Variants in CAST observed in about 807,000 individuals in gnomAD.
CAST encodes the protein MIR583 host.
A neutral mutation model predicts 119.6 loss-of-function variants in CAST; 76 were observed. The observed-to-expected ratio is 0.64, with a 90% CI of 0.53 to 0.77. CAST has a LOEUF of 0.77. Among genes scored for constraint, CAST ranks in the 30% least tolerant of loss-of-function variants. CAST has a pLI of 0.00. For missense variants in CAST, 953 were observed against 946.5 expected, an observed-to-expected ratio of 1.01 and a Z score of -0.09; for synonymous variants, 319 against 331.6, an observed-to-expected ratio of 0.96 and a Z score of 0.41.
At chr5:96,233,254 A>G in the CAST span, among the ~76,000 whole-genome samples, 6 of 152,092 alleles carry the variant, frequency 3.9e-5, no homozygotes, top group African/African-American at 1.4e-4. Context: ...AAATTATGCA[A>G]ACTTTCGTGG....
chr5:96,196,640 C>T, the CAST span, among the ~76,000 whole-genome samples: 3 of 152,192 alleles, frequency 2.0e-5, no homozygotes, highest in South Asian at 6.2e-4. Context: ...AGGCAGGAAC[C>T]AGCTGGGGAA....
intron 1 of CAST, among the ~76,000 whole-genome samples, chr5:96,550,611 C>A (rs576912491): frequency 6.6e-6 from 1 of 152,254 alleles, no homozygotes; most frequent in East Asian, 1.9e-4. Context: ...TAATAATAAA[C>A]TTCTCTGAGC....
chr5:96,171,853 C>T, the CAST span, among the ~76,000 whole-genome samples: 2 of 152,188 alleles, frequency 1.3e-5, no homozygotes, highest in East Asian at 1.9e-4. Flanking sequence ...GACCAGAGGT[C>T]GTAAGTAGAT....
At chr5:96,387,985 T>C in the CAST span, among the ~76,000 whole-genome samples, 10 of 152,166 alleles carry the variant, frequency 6.6e-5, no homozygotes, top group African/African-American at 1.4e-4. Flanking sequence ...CCTTTCAAGA[T>C]TGGGGGTCCC....
At chr5:96,740,398 G>A (rs1269705365) in intron 12 of CAST, among the ~76,000 whole-genome samples, 3 of 152,100 alleles carry the variant, frequency 2.0e-5, no homozygotes, top group Non-Finnish European at 4.4e-5. Flanking sequence ...GTGAGGGAAA[G>A]GTATCTTTGA....
At chr5:96,210,797 C>A in the CAST span, among the ~76,000 whole-genome samples, 1 of 151,962 alleles carries the variant, frequency 6.6e-6, no homozygotes, top group African/African-American at 2.4e-5. Flanking sequence ...TATGTTGAGT[C>A]TACCAGTCAT....
chr5:96,118,665 A>C, the CAST span, among the ~76,000 whole-genome samples: 98,405 of 148,236 alleles, frequency 0.66, 32,984 homozygotes, highest in African/African-American at 0.75. Context: ...GTGTTCGTGG[A>C]CTGGTGTTCA....
the CAST span, among the ~76,000 whole-genome samples, chr5:96,348,495 A>G: frequency 6.6e-6 from 1 of 152,100 alleles, no homozygotes; most frequent in African/African-American, 2.4e-5. Context: ...ATTGCTTTTG[A>G]TGGTAAGGGA....
intron 1 of CAST, among the ~76,000 whole-genome samples, chr5:96,652,040 A>T (rs1748100983): frequency 6.6e-6 from 1 of 152,330 alleles, no homozygotes; most frequent in South Asian, 2.1e-4. Context: ...GAGCTTCGGT[A>T]AACTTCCTAA....
At chr5:96,670,102 T>C (rs1349826895) in intron 1 of CAST, among the ~76,000 whole-genome samples, 1 of 152,150 alleles carries the variant, frequency 6.6e-6, no homozygotes, top group Non-Finnish European at 1.5e-5. Flanking sequence ...CTGAGTTCCA[T>C]GAGCTCGGAG....
At chr5:96,308,061 C>A in the CAST span, among the ~76,000 whole-genome samples, 7 of 152,250 alleles carry the variant, frequency 4.6e-5, no homozygotes, top group East Asian at 1.4e-3. Flanking sequence ...CAACTTGGTT[C>A]CATTCTCCCT....
At chr5:96,032,709 A>G in the CAST span, among the ~76,000 whole-genome samples, 1 of 152,162 alleles carries the variant, frequency 6.6e-6, no homozygotes, top group Non-Finnish European at 1.5e-5. Context: ...TGTGCCAGAC[A>G]AATATTCATA....
the CAST span, among the ~76,000 whole-genome samples, chr5:96,400,858 C>T: frequency 8.3e-6 from 1 of 119,842 alleles, no homozygotes; most frequent in African/African-American, 3.6e-5. Context: ...GAGGCCGAGG[C>T]GGGCGGATCA....
the CAST span, among the ~76,000 whole-genome samples, chr5:95,976,949 T>A: frequency 1.3e-5 from 2 of 152,218 alleles, no homozygotes; most frequent in African/African-American, 4.8e-5. Flanking sequence ...AATGTATGAC[T>A]TTGGGCAAGT....
intron 3 of CAST, among the ~76,000 whole-genome samples, chr5:96,708,051 T>A (rs1348236901): frequency 6.6e-6 from 1 of 152,226 alleles, no homozygotes; most frequent in Non-Finnish European, 1.5e-5. Context: ...TGTGTTTATA[T>A]CCGATAGGGA....
Position 96,544,893 on chromosome 5 carries a change from C to A in CAST, c.60+15013C>A, listed in dbSNP as rs140414480. On this transcript the variant is annotated intron_variant, in intron 1 of 11. Coordinates refer to the CAST transcript ENST00000505143. ...CTTTAAATATAAAAACCCAGATAGA[C>A]TAAAAGTAAAGTTATGAAGAGAGAT... 1.9e-4 allele frequency among the ~76,000 whole-genome samples: 28 copies of A among 150,234 alleles called. 1 individual carries two copies. The South Asian group carries it at 4.6e-3, about 25-fold the overall frequency.
At chr5:96,222,441 T>A in the CAST span, among the ~76,000 whole-genome samples, 1 of 151,844 alleles carries the variant, frequency 6.6e-6, no homozygotes, top group South Asian at 2.1e-4. Context: ...CCATTAAAAA[T>A]TGGGCAAAGA....
the CAST span, chr5:95,986,365 A>G: frequency 6.6e-6 from 1 of 152,182 alleles, no homozygotes; most frequent in South Asian, 2.1e-4. Flanking sequence ...CTAAAACACA[A>G]ATTATTTTTA....
the CAST span, among the ~76,000 whole-genome samples, chr5:96,507,244 C>G: frequency 1.1e-3 from 161 of 152,174 alleles, no homozygotes; most frequent in African/African-American, 3.8e-3. Context: ...AAAAGGGGCA[C>G]GTAAACTAAA....
Sources: gnomAD v4.1 joint callset for allele counts (sites outside exome capture counted in the v4.1 genomes callset) on GRCh38, gnomAD v4.1.1 for gene constraint, MANE v1.5 for transcripts, NCBI Gene and HGNC (gene_info 2026-07-23, HGNC 2026-07-21) for gene names.